CIBAR1: variants seen among roughly 807,000 people sequenced by gnomAD.
CIBAR1 encodes the protein CBY1-interacting BAR domain-containing protein 1.
In CIBAR1, 25 loss-of-function variants were observed where a neutral mutation model predicts 44.0. The ratio of observed to expected loss-of-function variants is 0.57; its 90% confidence interval spans 0.41 to 0.79. The LOEUF (loss-of-function observed/expected upper bound fraction) is 0.79. Ranked by LOEUF, CIBAR1 falls within the 30% of genes least tolerant of loss-of-function variation. The pLI is 0.00. For synonymous variants in CIBAR1, 115 were observed against 119.0 expected, an observed-to-expected ratio of 0.97 and a Z score of 0.22; for missense variants, 278 against 344.8, an observed-to-expected ratio of 0.81 and a Z score of 1.53.
Position 93,701,419 on chromosome 8 carries a change from AG to A in CIBAR1, c.223del (p.Asp75MetfsTer21), listed in dbSNP as rs1183910097. 1.9e-6 allele frequency: 3 copies of A among 1,613,670 alleles called. No homozygotes were observed. Among genetic ancestry groups the A allele is most frequent in the Non-Finnish European group, 2.5e-6 (3 of 1,179,860 alleles). On this transcript the variant is annotated frameshift_variant, in exon 2 of 9. Transcript: ENST00000518322. LOFTEE classifies it high-confidence loss of function. ...HLKLGLMNFA[D>X]EFAKLQDYRQ... ...TAAAGCTGGGCCTGATGAACTTTGCAGATGAGTTTGCCAAACTTCAGGATTA... is the reference window on the plus strand; with the variant it reads ...TAAAGCTGGGCCTGATGAACTTTGCAATGAGTTTGCCAAACTTCAGGATTA...
chr8:93,724,654 T>A (rs1811404293), intron 7 of CIBAR1: 1 of 1,179,082 alleles, frequency 8.5e-7, no homozygotes. Context: ...TAAAAGATAA[T>A]GTCTTTCATT....
chr8:93,707,231 A>G (rs1376242022), intron 4 of CIBAR1: 1 of 433,108 alleles, frequency 2.3e-6, no homozygotes, highest in Non-Finnish European at 4.6e-6. Flanking sequence ...TGAAAAGAAG[A>G]AATATTAGAA....
intron 6 of CIBAR1, 86 bp from the exon 7 acceptor site, chr8:93,718,589 A>G: frequency 1.5e-6 from 1 of 658,500 alleles, no homozygotes. Context: ...TTTATAAAAT[A>G]CCAAGACTAT....
At position 93,712,661 on chromosome 8, in the gene CIBAR1, A is replaced by T. The variant is rs144158206; in HGVS notation, c.543+2786A>T. Among the ~76,000 whole-genome samples the T allele has an allele frequency of 9.1e-3, 1,381 of 152,344 alleles. 73 individuals are homozygous for T. The highest frequency in any genetic ancestry group is 0.083 in the Admixed American group (1,264 of 15,292). ...TGCACCATTGTGTTTGCCCACCAGCAGTATATGAGAGTTACAACTTCTCTG... is the reference window on the plus strand; with the variant it reads ...TGCACCATTGTGTTTGCCCACCAGCTGTATATGAGAGTTACAACTTCTCTG... On this transcript the variant is annotated intron_variant, in intron 6 of 8. Transcript: ENST00000518322.
At chr8:93,706,461 A>G (rs1810586893) in intron 4 of CIBAR1, among the ~76,000 whole-genome samples, 1 of 151,998 alleles carries the variant, frequency 6.6e-6, no homozygotes, top group Admixed American at 6.6e-5. Context: ...TAGGGATGAA[A>G]ATTTTTTGTT....
intron 7 of CIBAR1, among the ~76,000 whole-genome samples, chr8:93,723,190 G>T (rs2130373863): frequency 6.6e-6 from 1 of 152,214 alleles, no homozygotes; most frequent in South Asian, 2.1e-4. Flanking sequence ...TAGAGATGGG[G>T]TTTCACCATG....
At chr8:93,718,146 G>A (rs1481489289) in intron 6 of CIBAR1, among the ~76,000 whole-genome samples, 1 of 152,156 alleles carries the variant, frequency 6.6e-6, no homozygotes, top group African/African-American at 2.4e-5. Context: ...AAACTAGAAC[G>A]CTCTATGCAA....
intron 6 of CIBAR1, among the ~76,000 whole-genome samples, chr8:93,718,141 A>G (rs1811105144): frequency 1.3e-5 from 2 of 152,242 alleles, no homozygotes; most frequent in African/African-American, 4.8e-5. Context: ...TTTGTAAACT[A>G]GAACGCTCTA....
chr8:93,719,306 T>C (rs1293329180), intron 7 of CIBAR1, among the ~76,000 whole-genome samples: 1 of 152,228 alleles, frequency 6.6e-6, no homozygotes, highest in African/African-American at 2.4e-5. Flanking sequence ...TAATAGCTAG[T>C]AAAATATAAT....
chr8:93,726,284 AT>A (rs1441219680), intron 7 of CIBAR1, 109 bp from the exon 8 acceptor site: 3 of 922,926 alleles, frequency 3.3e-6, no homozygotes, highest in Non-Finnish European at 4.7e-6. Flanking sequence ...AATTTTGTCC[AT>A]TTGGGGGGAG....
At position 93,726,396 on chromosome 8, in the gene CIBAR1, T is replaced by G. The variant is rs779280651; in HGVS notation, c.660T>G (p.Val220=). Residue 220 remains valine (V), a splice_region_variant and synonymous_variant, in exon 8 of 9, where the codon GTT becomes GTG. Coordinates refer to ENST00000518322, the MANE Select transcript of CIBAR1 (RefSeq NM_145269.5). ...QNIDEDEDLE[V]FRNSLYAPDY... is the part of the protein sequence containing the mutation. ...ATGCTATTTTATCATTACAATAGGT[T>G]TTCCGAAATTCTCTGTATGCACCAG... 35 of 1,612,354 alleles carry G rather than the reference T, an allele frequency of 2.2e-5. No homozygotes were observed. Among genetic ancestry groups the G allele is most frequent in the Middle Eastern group, 1.7e-4 (1 of 6,060 alleles).
chr8:93,701,726 A>G (rs1314123548), intron 2 of CIBAR1: 1 of 456,478 alleles, frequency 2.2e-6, no homozygotes, highest in East Asian at 4.3e-5. Flanking sequence ...GTGGCTGTTT[A>G]CTGGGGGTAG....
At chr8:93,712,014 C>T (rs191806856) in intron 6 of CIBAR1, among the ~76,000 whole-genome samples, 2 of 152,156 alleles carry the variant, frequency 1.3e-5, no homozygotes, top group Admixed American at 1.3e-4. Flanking sequence ...ATTGTGCCCC[C>T]TAAAGAGGAA....
In CIBAR1 at chr8:93,730,794, T is replaced by C. The variant is rs1811760910; in HGVS notation, c.*2497T>C. 6.6e-6 allele frequency: 1 copy of C among 152,132 alleles called. No homozygotes were observed. Among genetic ancestry groups the C allele is most frequent in the African/African-American group, 2.4e-5 (1 of 41,404 alleles). 9.4% of individuals were successfully genotyped at this position (152,132 alleles called of 1,614,324 possible). ...ACTTTCTGTAATCAACTTTTTATAA[T>C]GAAGTTTAAAAATATTAAGCCCTGA... On this transcript the variant is annotated 3_prime_UTR_variant, in exon 9 of 9. Coordinates refer to ENST00000518322, the MANE Select transcript of CIBAR1 (RefSeq NM_145269.5).
At chr8:93,723,605 AAATG>A (rs755182786) in intron 7 of CIBAR1, among the ~76,000 whole-genome samples, 1 of 152,002 alleles carries the variant, frequency 6.6e-6, no homozygotes, top group African/African-American at 2.4e-5. Flanking sequence ...CATTTGGCAA[AAATG>A]AATTTAATTA....
chr8:93,712,036 T>G (rs560875612), intron 6 of CIBAR1, among the ~76,000 whole-genome samples: 48 of 152,254 alleles, frequency 3.2e-4, no homozygotes, highest in African/African-American at 1.1e-3. Context: ...GTCTCTTGAT[T>G]TTAGGAAGTC....
intron 7 of CIBAR1, chr8:93,724,581 C>A: frequency 7.8e-7 from 1 of 1,275,198 alleles, no homozygotes; most frequent in Non-Finnish European, 1.0e-6. Flanking sequence ...CTGCGTTGGC[C>A]TCCCAAAGTG....
intron 7 of CIBAR1, chr8:93,720,672 A>C (rs1811229075): frequency 6.6e-6 from 1 of 152,098 alleles, no homozygotes; most frequent in Admixed American, 6.5e-5. Flanking sequence ...GGAGTTCGAG[A>C]CCAGCCTGGC....
intron 1 of CIBAR1, 48 bp downstream of exon 1, chr8:93,700,721 G>A (rs1358810725): frequency 6.8e-7 from 1 of 1,473,250 alleles, no homozygotes; most frequent in Non-Finnish European, 9.0e-7. Context: ...CTGGAGGGCT[G>A]GGGTGAGGGA....
Sources: gnomAD v4.1 joint callset for allele counts (sites outside exome capture counted in the v4.1 genomes callset) on GRCh38, gnomAD v4.1.1 for gene constraint, MANE v1.5 for transcripts, NCBI Gene and HGNC (gene_info 2026-07-23, HGNC 2026-07-21) for gene names.